The following DNAH17 variants were observed in gnomAD, a reference collection of about 807,000 sequenced individuals.
The protein encoded by DNAH17 is dynein axonemal heavy chain 17.
A neutral mutation model predicts 485.6 loss-of-function variants in DNAH17; 376 were observed. The observed-to-expected ratio is 0.77, with a 90% CI of 0.71 to 0.84. The LOEUF is 0.84. Ranked by LOEUF, DNAH17 falls within the 40% of genes least tolerant of loss-of-function variation. The pLI is 0.00. For synonymous variants in DNAH17, 3,031 were observed against 2,405.9 expected (o/e 1.26, Z -7.60); for missense variants, 6,370 against 5,839.3 (o/e 1.09, Z -2.96).
chr17:78,459,941 C>T lies in DNAH17; in HGVS notation c.9496G>A (p.Ala3166Thr), dbSNP rs147019486. The T allele has an allele frequency of 9.6e-5, 155 of 1,613,736 alleles. 1 individual carries two copies. The highest frequency in any genetic ancestry group is 8.2e-4 in the South Asian group (75 of 91,078). ...GGTGCGGTCAGAATCATGACGGCGG[C>T]GGTGACGTTGACCACAGCATCCGGC... ...SPPDAVVNVT[A>T]AVMILTAPGG... The change falls in exon 60 of 81, where the codon GCC (alanine) becomes ACC (threonine). Residue 3166 changes from alanine to threonine, a missense_variant. Physicochemically the swap from Ala to Thr is moderately conservative, Grantham distance 58. Transcript: ENST00000389840.
rs72914863 is a variant in DNAH17 at position 78,423,903 on chromosome 17, G to A, written c.*3C>T. The A allele has an allele frequency of 6.5e-3, 10,417 of 1,613,820 alleles. 62 individuals are homozygous for A. The highest frequency in any genetic ancestry group is 7.4e-3 in the Non-Finnish European group (8,738 of 1,179,818). ...GGAGTGTGGGCTGTGAGGCAGGAGCGAGCTAAACCTGTAGGAGCAGCGCCA... is the reference window on the plus strand; with the variant it reads ...GGAGTGTGGGCTGTGAGGCAGGAGCAAGCTAAACCTGTAGGAGCAGCGCCA... On this transcript the variant is annotated 3_prime_UTR_variant, in exon 81 of 81. Transcript: ENST00000389840.
chr17:78,458,719 G>C lies in DNAH17; in HGVS notation c.9862-39C>G, dbSNP rs770023171. On this transcript the variant is annotated intron_variant, in intron 61 of 80. Transcript: ENST00000389840. ...TTGGAAAGCTGCTGGAAAACCCCAC[G>C]AGGCATCTCTAGCCCCCTGCAGCGG... 45 of 1,552,872 alleles carry C rather than the reference G, an allele frequency of 2.9e-5. No individual in the cohort carries two copies. The South Asian group carries it at 4.9e-4, about 17-fold the overall frequency.
At chr17:78,474,248 G>A (rs546373319) in intron 54 of DNAH17, among the ~76,000 whole-genome samples, 45 of 152,244 alleles carry the variant, frequency 3.0e-4, no homozygotes, top group Non-Finnish European at 5.1e-4. Flanking sequence ...CTTGGGTCTG[G>A]CATCGTCCTG....
intron 54 of DNAH17, among the ~76,000 whole-genome samples, chr17:78,470,869 A>G (rs1025730032): frequency 6.6e-6 from 1 of 152,256 alleles, no homozygotes; most frequent in African/African-American, 2.4e-5. Context: ...CATCCACAGC[A>G]GGATTTAAGG....
chr17:78,576,730 T>C (rs1172381227), intron 1 of DNAH17, among the ~76,000 whole-genome samples: 1 of 152,212 alleles, frequency 6.6e-6, no homozygotes, highest in Non-Finnish European at 1.5e-5. Context: ...ACTGATTTTG[T>C]GGATTTGGGC....
intron 72 of DNAH17, among the ~76,000 whole-genome samples, chr17:78,439,663 C>T (rs1303662402): frequency 8.0e-6 from 1 of 125,434 alleles, no homozygotes; most frequent in African/African-American, 2.9e-5. Flanking sequence ...ATCAGTACTT[C>T]ACTTTTTTTT....
chr17:78,510,134 A>G (rs551016041), intron 27 of DNAH17, among the ~76,000 whole-genome samples: 2 of 152,236 alleles, frequency 1.3e-5, no homozygotes, highest in African/African-American at 4.8e-5. Flanking sequence ...GTGAGCCAAG[A>G]TCGTGCCACT....
intron 1 of DNAH17, among the ~76,000 whole-genome samples, chr17:78,577,084 G>GGA (rs1046056178): frequency 2.6e-5 from 4 of 152,182 alleles, no homozygotes; most frequent in Admixed American, 6.5e-5. Flanking sequence ...GGAAGAGTCT[G>GGA]GAGCCCTGGA....
At chr17:78,538,306 C>CCTGTGAGG (rs2091433202) in intron 18 of DNAH17, among the ~76,000 whole-genome samples, 1 of 152,106 alleles carries the variant, frequency 6.6e-6, no homozygotes, top group African/African-American at 2.4e-5. Flanking sequence ...TCTGGAGGCC[C>CCTGTGAGG]CTGTGAGGCT....
At chr17:78,431,448 A>ACCC (rs537043508) in intron 75 of DNAH17, among the ~76,000 whole-genome samples, 4,342 of 133,554 alleles carry the variant, frequency 0.033, 130 homozygotes, top group South Asian at 0.043. Context: ...TGCTGAGGGA[A>ACCC]CCCCCCACCC....
At chr17:78,576,305 A>G (rs1568281572) in intron 1 of DNAH17, among the ~76,000 whole-genome samples, 1 of 151,956 alleles carries the variant, frequency 6.6e-6, no homozygotes, top group Non-Finnish European at 1.5e-5. Context: ...GGGAAGCAGT[A>G]GTGGATAGCA....
chr17:78,554,214 C>T (rs2091969474), intron 14 of DNAH17, among the ~76,000 whole-genome samples: 1 of 151,866 alleles, frequency 6.6e-6, no homozygotes. Context: ...CCGAGGCAGG[C>T]AGATCACTTA....
chr17:78,475,933 G>T (rs1598523452), intron 52 of DNAH17, 100 bp from the exon 53 acceptor site: 1 of 1,343,898 alleles, frequency 7.4e-7, no homozygotes, highest in Non-Finnish European at 1.0e-6. Flanking sequence ...GGCCTAGGAG[G>T]TCACCACGGG....
chr17:78,445,954 T>C (rs1257067275), intron 69 of DNAH17, among the ~76,000 whole-genome samples: 1 of 151,906 alleles, frequency 6.6e-6, no homozygotes, highest in Non-Finnish European at 1.5e-5. Flanking sequence ...GGTGGATCAC[T>C]TGAGCTCAGG....
Position 78,499,075 on chromosome 17 carries a change from C to T in DNAH17, c.5678G>A (p.Gly1893Glu). ...AAACTCGTCAAAGCAGCCCCAGGCTCCCGTCTGGGCCAGGCCCTTGTAGAT... is the reference window on the plus strand; with the variant it reads ...AAACTCGTCAAAGCAGCCCCAGGCTTCCGTCTGGGCCAGGCCCTTGTAGAT... The part of the protein sequence containing the change: ...GNIYKGLAQT[G>E]AWGCFDEFNR... The change falls in exon 37 of 81, where the codon GGA (glycine) becomes GAA (glutamate). Residue 1893 changes from glycine to glutamate, a missense_variant. Physicochemically the swap from Gly to Glu is moderately conservative, Grantham distance 98. Transcript: ENST00000389840. 6.2e-7 allele frequency: 1 copy of T among 1,608,396 alleles called. No individual in the cohort carries two copies. The highest frequency in any genetic ancestry group is 1.1e-5 in the South Asian group (1 of 90,066).
At chr17:78,495,720 G>T (rs545071234) in intron 38 of DNAH17, among the ~76,000 whole-genome samples, 155 bp downstream of exon 38, 12 of 152,250 alleles carry the variant, frequency 7.9e-5, no homozygotes, top group Non-Finnish European at 1.6e-4. Flanking sequence ...TTACAGAAGT[G>T]AGTTACTGTG....
chr17:78,465,488 C>A (rs1366279222), intron 56 of DNAH17, among the ~76,000 whole-genome samples: 2 of 96,892 alleles, frequency 2.1e-5, no homozygotes, highest in Admixed American at 1.2e-4. Flanking sequence ...AAGTGAGGAA[C>A]ACCTCTTCCC....
intron 69 of DNAH17, among the ~76,000 whole-genome samples, chr17:78,447,880 A>T (rs1031691926): frequency 6.6e-6 from 1 of 152,132 alleles, no homozygotes; most frequent in African/African-American, 2.4e-5. Context: ...AAAACATTTT[A>T]AAAAATTAGG....
In DNAH17 at chr17:78,501,172, G is replaced by T. The variant is rs769503009; in HGVS notation, c.5483+12C>A. The T allele has an allele frequency of 5.1e-6, 8 of 1,566,938 alleles. 1 individual carries two copies. Among genetic ancestry groups the T allele is most frequent in the South Asian group, 2.4e-5 (2 of 84,570 alleles). ...CAAGAGCACATGTGAGTTACTCAGG[G>T]ACGGGCCTCACCTGTCAGTGAGTGG... On this transcript the variant is annotated intron_variant, in intron 35 of 80. Coordinates refer to ENST00000389840, the MANE Select transcript of DNAH17 (RefSeq NM_173628.4).
Sources: allele counts gnomAD v4.1 joint callset (sites outside exome capture counted in the v4.1 genomes callset), GRCh38; gene constraint gnomAD v4.1.1; transcripts MANE v1.5; gene names NCBI Gene and HGNC (gene_info 2026-07-23, HGNC 2026-07-21).